Variants in KCNIP4 observed in about 807,000 individuals in gnomAD.
KCNIP4 encodes Kv channel-interacting protein 4.
KCNIP4 carries 12 observed loss-of-function variants against 34.0 expected under a neutral mutation model. The ratio of observed to expected loss-of-function variants is 0.35; its 90% CI spans 0.23 to 0.57. The LOEUF (loss-of-function observed/expected upper bound fraction) is 0.57. Ranked by LOEUF, KCNIP4 falls within the 20% of genes least tolerant of loss-of-function variation. The probability of loss-of-function intolerance (pLI) is 0.83; values close to 1 mark genes in which losing one functional copy is unlikely to be tolerated. For missense variants in KCNIP4, 238 were observed against 311.7 expected (o/e 0.76, Z 1.78); for synonymous variants, 124 against 102.2 (o/e 1.21, Z -1.29).
intron 1 of KCNIP4, among the ~76,000 whole-genome samples, chr4:21,387,164 T>C (rs1205061896): frequency 6.6e-6 from 1 of 152,204 alleles, no homozygotes; most frequent in Admixed American, 6.6e-5. Context: ...TCACAAATCC[T>C]TGATGAACTG....
intron 1 of KCNIP4, among the ~76,000 whole-genome samples, chr4:21,448,732 C>T (rs1728254760): frequency 2.0e-5 from 3 of 152,032 alleles, no homozygotes; most frequent in Admixed American, 2.0e-4. Context: ...TACTTCTGCT[C>T]AAGAGATTAG....
At chr4:21,344,533 C>T (rs1717098992) in intron 1 of KCNIP4, among the ~76,000 whole-genome samples, 1 of 151,966 alleles carries the variant, frequency 6.6e-6, no homozygotes, top group Non-Finnish European at 1.5e-5. Context: ...GGAGCAGCCA[C>T]CAATCCAAAG....
At chr4:21,265,048 G>A (rs1271573444) in intron 1 of KCNIP4, among the ~76,000 whole-genome samples, 3 of 151,888 alleles carry the variant, frequency 2.0e-5, no homozygotes, top group Non-Finnish European at 2.9e-5. Context: ...GCAGTGAGCC[G>A]AGATCATACC....
intron 1 of KCNIP4, among the ~76,000 whole-genome samples, chr4:21,669,825 A>C (rs1325897891): frequency 6.6e-6 from 1 of 152,194 alleles, no homozygotes; most frequent in Non-Finnish European, 1.5e-5. Context: ...CAAGGCTGAA[A>C]GCATTTGGGG....
intron 1 of KCNIP4, among the ~76,000 whole-genome samples, chr4:21,797,476 T>C (rs200730292): frequency 0.17 from 13,180 of 78,698 alleles, 674 homozygotes; most frequent in Non-Finnish European, 0.29. Context: ...CATCAGTTTT[T>C]TTTTTTATTT....
chr4:21,652,637 AG>A (rs1424377376), intron 1 of KCNIP4, among the ~76,000 whole-genome samples: 1 of 152,190 alleles, frequency 6.6e-6, no homozygotes, highest in African/African-American at 2.4e-5. Flanking sequence ...TTTTCCATTG[AG>A]CCATATGCTA....
In KCNIP4 at chr4:21,535,069, G is replaced by A. The variant is rs184602802; in HGVS notation, c.61+413502C>T. Among the ~76,000 whole-genome samples, 19 of 151,632 alleles carry A rather than the reference G, an allele frequency of 1.3e-4. No individual in the cohort carries two copies. The South Asian group carries it at 1.3e-3, about 10-fold the overall frequency. On this transcript the variant is annotated intron_variant, in intron 1 of 8. Coordinates refer to ENST00000382152, the MANE Select transcript of KCNIP4 (RefSeq NM_025221.6). ...TCCACTCCACTCTACTCCATTCTGC[G>A]CAAACTTATTAACTACTTACTACAC... is the stretch of plus-strand genomic sequence containing the variant.
At chr4:21,057,210 A>C (rs1235993247) in intron 1 of KCNIP4, among the ~76,000 whole-genome samples, 1 of 152,184 alleles carries the variant, frequency 6.6e-6, no homozygotes, top group Non-Finnish European at 1.5e-5. Context: ...AATGCGTACA[A>C]ATCATAAATC....
At chr4:21,365,259 C>T (rs551618384) in intron 1 of KCNIP4, among the ~76,000 whole-genome samples, 8 of 151,908 alleles carry the variant, frequency 5.3e-5, no homozygotes, top group African/African-American at 1.2e-4. Flanking sequence ...CCGAGGTGGG[C>T]GGATCACTTG....
At chr4:21,798,519 A>G (rs1342987079) in intron 1 of KCNIP4, among the ~76,000 whole-genome samples, 2 of 41,136 alleles carry the variant, frequency 4.9e-5, no homozygotes, top group East Asian at 1.6e-3. Flanking sequence ...TGGGAAAAAA[A>G]AAAAAAAAAA....
At chr4:21,891,760 T>C (rs1405531027) in intron 1 of KCNIP4, among the ~76,000 whole-genome samples, 1 of 152,158 alleles carries the variant, frequency 6.6e-6, no homozygotes, top group East Asian at 1.9e-4. Context: ...AATAATTCTT[T>C]TATGCCTGGC....
At chr4:21,346,681 C>T (rs1578108662) in intron 1 of KCNIP4, among the ~76,000 whole-genome samples, 1 of 152,050 alleles carries the variant, frequency 6.6e-6, no homozygotes, top group Non-Finnish European at 1.5e-5. Flanking sequence ...ATTGTGTATA[C>T]AAATCACCTG....
At chr4:20,833,018 A>G (rs1387994366) in intron 3 of KCNIP4, among the ~76,000 whole-genome samples, 1 of 152,192 alleles carries the variant, frequency 6.6e-6, no homozygotes, top group Admixed American at 6.5e-5. Flanking sequence ...CAGAGACAGA[A>G]CTATGACTAG....
In KCNIP4 at chr4:21,502,290, C is replaced by T. The variant is rs528636569; in HGVS notation, c.61+446281G>A. ...GAAAAAGAAAATGAGTTATTTTCTT[C>T]TAATTAAAAGCTTAGTTCAGAATGA... On this transcript the variant is annotated intron_variant, in intron 1 of 8. Transcript: ENST00000382152. Among the ~76,000 whole-genome samples the T allele has an allele frequency of 6.6e-5, 10 of 152,156 alleles. No homozygotes were observed. In the East Asian group the frequency reaches 1.5e-3, roughly 24 times the overall value.
chr4:21,882,957 C>T (rs983545085), intron 1 of KCNIP4, among the ~76,000 whole-genome samples: 6 of 151,910 alleles, frequency 3.9e-5, no homozygotes, highest in Admixed American at 3.9e-4. Flanking sequence ...TTATTTTTTT[C>T]CCTGAAATTC....
intron 1 of KCNIP4, among the ~76,000 whole-genome samples, chr4:21,477,535 A>C (rs1731087101): frequency 6.6e-6 from 1 of 152,180 alleles, no homozygotes; most frequent in South Asian, 2.1e-4. Flanking sequence ...CTTACTGATA[A>C]GCGTATCATG....
intron 1 of KCNIP4, among the ~76,000 whole-genome samples, chr4:21,717,242 T>C (rs754554830): frequency 1.5e-4 from 23 of 152,172 alleles, no homozygotes; most frequent in Non-Finnish European, 3.1e-4. Flanking sequence ...CATTCTCTAA[T>C]GTCCCCTAGG....
At chr4:20,730,848 G>C (rs1747944280) in intron 8 of KCNIP4, among the ~76,000 whole-genome samples, 2 of 152,096 alleles carry the variant, frequency 1.3e-5, no homozygotes, top group African/African-American at 4.8e-5. Context: ...GCTGTTTATG[G>C]TAGTGGTAAA....
chr4:21,471,562 A>T (rs1730471979), intron 1 of KCNIP4, among the ~76,000 whole-genome samples: 1 of 152,228 alleles, frequency 6.6e-6, no homozygotes, highest in African/African-American at 2.4e-5. Flanking sequence ...TTTACATTTT[A>T]TGCACAGAAA....
Sources: gnomAD v4.1 joint callset for allele counts (sites outside exome capture counted in the v4.1 genomes callset) on GRCh38, gnomAD v4.1.1 for gene constraint, MANE v1.5 for transcripts, NCBI Gene and HGNC (gene_info 2026-07-23, HGNC 2026-07-21) for gene names.